The following RGS21 variants were observed in gnomAD, a reference collection of about 807,000 sequenced individuals.
RGS21 encodes the protein regulator of G protein signaling 21.
RGS21 carries 19 observed loss-of-function variants against 18.7 expected under a neutral mutation model. The ratio of observed to expected loss-of-function variants is 1.01; its 90% confidence interval spans 0.71 to 1.49. The LOEUF is 1.49. Among genes scored for constraint, RGS21 ranks in the 40% most tolerant of loss-of-function variants. RGS21 has a pLI of 0.00. For synonymous variants in RGS21, 56 were observed against 57.8 expected (o/e 0.97, Z 0.14); for missense variants, 194 against 176.8 (o/e 1.10, Z -0.55).
At chr1:192,328,507 A>T (rs916322837) in intron 1 of RGS21, among the ~76,000 whole-genome samples, 3 of 152,212 alleles carry the variant, frequency 2.0e-5, no homozygotes, top group Non-Finnish European at 4.4e-5. Context: ...ACAGGCCATC[A>T]ACTATGCTAG....
rs1171618455 is a variant in RGS21, at chr1:192,366,356, G to C, written c.*232G>C. The C allele has an allele frequency of 4.9e-6, 2 of 412,248 alleles. No homozygotes were observed. The highest frequency in any genetic ancestry group is 8.7e-6 in the Non-Finnish European group (2 of 230,582). 25.5% of individuals were successfully genotyped at this position (412,248 alleles called of 1,614,324 possible). On this transcript the variant is annotated 3_prime_UTR_variant, in exon 5 of 5. Coordinates refer to ENST00000417209, the MANE Select transcript of RGS21 (RefSeq NM_001039152.3). ...GGGGAGTACAAAGAAAGTTTATAGA[G>C]ATACAATATAGTCTTAAACCAAAAC...
chr1:192,325,918 G>C (rs1658563100), intron 1 of RGS21, among the ~76,000 whole-genome samples: 1 of 151,896 alleles, frequency 6.6e-6, no homozygotes, highest in Non-Finnish European at 1.5e-5. Context: ...ATTTTTATTT[G>C]ATTAACTGGA....
chr1:192,358,240 T>C (rs1440850631), intron 4 of RGS21, among the ~76,000 whole-genome samples: 1 of 152,052 alleles, frequency 6.6e-6, no homozygotes, highest in Non-Finnish European at 1.5e-5. Flanking sequence ...TATATTTCTC[T>C]CATTTCTCTT....
At chr1:192,330,665 C>T (rs781153365) in intron 1 of RGS21, among the ~76,000 whole-genome samples, 4 of 152,076 alleles carry the variant, frequency 2.6e-5, no homozygotes, top group African/African-American at 4.8e-5. Context: ...AGTTAAGAGA[C>T]GCATTAATCA....
chr1:192,318,387 G>A (rs983423399), intron 1 of RGS21, among the ~76,000 whole-genome samples: 2 of 152,078 alleles, frequency 1.3e-5, no homozygotes, highest in African/African-American at 2.4e-5. Context: ...GACATCACAG[G>A]ATCTCACCCC....
chr1:192,339,798 G>C (rs892315831), intron 1 of RGS21, among the ~76,000 whole-genome samples: 6 of 152,184 alleles, frequency 3.9e-5, no homozygotes, highest in African/African-American at 1.4e-4. Context: ...GCAGAGTCCA[G>C]TTCCCAAAAA....
intron 1 of RGS21, among the ~76,000 whole-genome samples, chr1:192,327,187 T>C (rs115941951): frequency 1.6e-3 from 245 of 151,720 alleles, no homozygotes; most frequent in African/African-American, 5.6e-3. Context: ...GTGACCTTAA[T>C]AAAGAGGTGG....
intron 1 of RGS21, among the ~76,000 whole-genome samples, chr1:192,319,434 A>G (rs1250704088): frequency 1.3e-5 from 2 of 152,180 alleles, no homozygotes; most frequent in Non-Finnish European, 2.9e-5. Context: ...AAAACAAACA[A>G]GCAAATAAAA....
chr1:192,340,089 ACTGT>A (rs1303672609), intron 1 of RGS21, among the ~76,000 whole-genome samples: 1 of 152,084 alleles, frequency 6.6e-6, no homozygotes, highest in Non-Finnish European at 1.5e-5. Context: ...CCAATTTTAT[ACTGT>A]CTGATTAAAG....
chr1:192,318,780 A>G (rs1305849799), intron 1 of RGS21, among the ~76,000 whole-genome samples: 1 of 152,140 alleles, frequency 6.6e-6, no homozygotes, highest in Non-Finnish European at 1.5e-5. Flanking sequence ...GAAAAATAAC[A>G]CTTCCAAGAA....
chr1:192,319,710 A>G (rs1658469623), intron 1 of RGS21, among the ~76,000 whole-genome samples: 1 of 152,110 alleles, frequency 6.6e-6, no homozygotes, highest in Non-Finnish European at 1.5e-5. Context: ...TTTAGCTACT[A>G]CATAAGGCAC....
At chr1:192,343,903 A>G (rs960025277) in intron 2 of RGS21, among the ~76,000 whole-genome samples, 1 of 152,082 alleles carries the variant, frequency 6.6e-6, no homozygotes, top group African/African-American at 2.4e-5. Context: ...CAGATAGCAC[A>G]TATCAAGTAA....
At chr1:192,348,681 C>T (rs944441810) in intron 3 of RGS21, among the ~76,000 whole-genome samples, 1 of 152,038 alleles carries the variant, frequency 6.6e-6, no homozygotes, top group Non-Finnish European at 1.5e-5. Flanking sequence ...AAAGGTATAA[C>T]TTCTGTTTGT....
intron 2 of RGS21, among the ~76,000 whole-genome samples, chr1:192,343,887 T>C (rs1488821774): frequency 6.6e-6 from 1 of 152,088 alleles, no homozygotes; most frequent in Non-Finnish European, 1.5e-5. Flanking sequence ...CCATTGTCCA[T>C]TTTTTCAGAT....
rs1659196876 is a variant in RGS21 at position 192,362,256 on chromosome 1, T to G, written c.256-3665T>G. 2.0e-5 allele frequency among the ~76,000 whole-genome samples: 3 copies of G among 152,176 alleles called. No individual in the cohort carries two copies. The South Asian group carries it at 6.2e-4, about 31-fold the overall frequency. On this transcript the variant is annotated intron_variant, in intron 4 of 4. Transcript: ENST00000417209. ...AAGTTATATTTTGGTAAAACTGATT[T>G]AGTAATATTATTTATTGTGTTCAGA...
At chr1:192,317,214 C>T (rs1571444726) in intron 1 of RGS21, 109 bp downstream of exon 1, 3 of 151,836 alleles carry the variant, frequency 2.0e-5, no homozygotes, top group Admixed American at 1.3e-4. Context: ...TTTCATCAAA[C>T]TCAGCGAGTT....
rs184450052 is a variant in RGS21, at chr1:192,331,239, A to T, written c.-60-11738A>T. ...AAAAAGTTGTAAGTGATCTGATTTT[A>T]AAAAAAAATCTATTTTAAATAAATA... On this transcript the variant is annotated intron_variant, in intron 1 of 4. Transcript: ENST00000417209. Among the ~76,000 whole-genome samples the T allele has an allele frequency of 2.4e-3, 357 of 148,662 alleles. 1 individual carries two copies. Among genetic ancestry groups the T allele is most frequent in the African/African-American group, 7.2e-3 (287 of 40,100 alleles).
intron 1 of RGS21, among the ~76,000 whole-genome samples, chr1:192,331,865 G>A (rs572788774): frequency 1.3e-5 from 2 of 151,914 alleles, no homozygotes; most frequent in East Asian, 3.9e-4. Context: ...CCATTTAAAA[G>A]TAATATTAAA....
At chr1:192,363,608 A>T (rs1019639400) in intron 4 of RGS21, among the ~76,000 whole-genome samples, 2 of 152,146 alleles carry the variant, frequency 1.3e-5, no homozygotes, top group African/African-American at 2.4e-5. Flanking sequence ...TATATAAGTT[A>T]TCGTGCCACT....
Sources: allele counts gnomAD v4.1 joint callset (sites outside exome capture counted in the v4.1 genomes callset), GRCh38; gene constraint gnomAD v4.1.1; transcripts MANE v1.5; gene names NCBI Gene and HGNC (gene_info 2026-07-23, HGNC 2026-07-21).